The following TENM4 variants were observed in gnomAD, a reference collection of about 807,000 sequenced individuals.
The protein encoded by TENM4 is teneurin-4.
In TENM4, 82 loss-of-function variants were observed where a neutral mutation model predicts 243.3. The observed-to-expected ratio is 0.34, with a 90% CI of 0.28 to 0.40. The LOEUF (loss-of-function observed/expected upper bound fraction) is 0.40. TENM4 is among the 10% of genes least tolerant of loss of function. The pLI, the probability that TENM4 is intolerant of heterozygous loss-of-function variation, is 1.00. For missense variants in TENM4, 3,138 were observed against 3,673.3 expected, an observed-to-expected ratio of 0.85 and a Z score of 3.77; for synonymous variants, 1,412 against 1,456.3, an observed-to-expected ratio of 0.97 and a Z score of 0.69.
In TENM4 at chr11:78,863,226, A is replaced by G; in HGVS notation, c.1085-94T>C. On this transcript the variant is annotated intron_variant, in intron 9 of 33. Transcript: ENST00000278550. ...GGAAAGGTGGGCAGGGTGGGGGAACACAGGCATTCAGTTCAGTTCAACAAG... is the reference window on the plus strand; with the variant it reads ...GGAAAGGTGGGCAGGGTGGGGGAACGCAGGCATTCAGTTCAGTTCAACAAG... 15 of 1,348,054 alleles carry G rather than the reference A, an allele frequency of 1.1e-5. No individual in the cohort carries two copies. The South Asian group carries it at 2.3e-4, about 21-fold the overall frequency. 83.5% of individuals were successfully genotyped at this position (1,348,054 alleles called of 1,614,324 possible).
At chr11:78,754,173 T>C (rs1427229476) in intron 19 of TENM4, among the ~76,000 whole-genome samples, 1 of 152,230 alleles carries the variant, frequency 6.6e-6, no homozygotes, top group African/African-American at 2.4e-5. Flanking sequence ...ATGCACTCTA[T>C]TAAGCTGCTT....
At chr11:79,293,635 C>T (rs1164592739) in intron 2 of TENM4, among the ~76,000 whole-genome samples, 2 of 152,106 alleles carry the variant, frequency 1.3e-5, no homozygotes, top group East Asian at 1.9e-4. Context: ...TGAAGTGCAG[C>T]GACTAAGGGG....
intron 3 of TENM4, among the ~76,000 whole-genome samples, chr11:79,164,957 A>ATATGTGTGTGTGTGTG (rs1555020448): frequency 7.1e-6 from 1 of 139,862 alleles, no homozygotes; most frequent in African/African-American, 2.6e-5. Context: ...CTATATATAT[A>ATATGTGTGTGTGTGTG]TGTGTGTGTG....
intron 14 of TENM4, among the ~76,000 whole-genome samples, chr11:78,807,073 C>T (rs1041317400): frequency 6.6e-6 from 1 of 152,112 alleles, no homozygotes; most frequent in Non-Finnish European, 1.5e-5. Context: ...ATGTTCATAC[C>T]TCATTTTGTT....
intron 15 of TENM4, among the ~76,000 whole-genome samples, chr11:78,801,149 A>G (rs1857273426): frequency 6.6e-6 from 1 of 152,184 alleles, no homozygotes; most frequent in Non-Finnish European, 1.5e-5. Flanking sequence ...AGAGCTGAGG[A>G]CTTGGGAACA....
chr11:79,276,470 G>A (rs1300667917), intron 2 of TENM4, among the ~76,000 whole-genome samples: 1 of 152,222 alleles, frequency 6.6e-6, no homozygotes, highest in Non-Finnish European at 1.5e-5. Context: ...GAGAAAGAAA[G>A]TGTAGATGTT....
At chr11:78,915,111 G>A (rs944476187) in intron 6 of TENM4, among the ~76,000 whole-genome samples, 1 of 152,208 alleles carries the variant, frequency 6.6e-6, no homozygotes, top group African/African-American at 2.4e-5. Flanking sequence ...AAGGTGCCAA[G>A]GTTAACAGGT....
At chr11:78,806,452 CA>C (rs1219611599) in intron 14 of TENM4, among the ~76,000 whole-genome samples, 2 of 152,144 alleles carry the variant, frequency 1.3e-5, no homozygotes, top group African/African-American at 4.8e-5. Flanking sequence ...CTCCCAGGGC[CA>C]AGGGTCAAAG....
intron 30 of TENM4, among the ~76,000 whole-genome samples, 156 bp downstream of exon 30, chr11:78,675,996 A>G (rs1268574680): frequency 1.3e-5 from 2 of 152,242 alleles, no homozygotes; most frequent in Admixed American, 6.5e-5. Context: ...AAAAAGACAC[A>G]CAAGGGTCTC....
intron 6 of TENM4, among the ~76,000 whole-genome samples, chr11:78,937,526 T>C (rs1385139130): frequency 1.3e-5 from 2 of 152,194 alleles, no homozygotes; most frequent in South Asian, 4.1e-4. Context: ...TATTTGTCCA[T>C]GGAACCCCTA....
rs536518787 is a variant in TENM4 at position 79,324,054 on chromosome 11, A to G, written c.-320-26511T>C. Among the ~76,000 whole-genome samples the G allele has an allele frequency of 4.6e-5, 7 of 152,316 alleles. No individual in the cohort carries two copies. The South Asian group carries it at 1.4e-3, about 32-fold the overall frequency. ...GCTCAAGTCCGTTATATAAAATGGC[A>G]TAGTTTTTGCATATAACCTACACAC... On this transcript the variant is annotated intron_variant, in intron 1 of 33. Transcript: ENST00000278550.
intron 1 of TENM4, among the ~76,000 whole-genome samples, chr11:79,343,498 T>C (rs1457847175): frequency 6.6e-6 from 1 of 152,158 alleles, no homozygotes; most frequent in Non-Finnish European, 1.5e-5. Context: ...ACAGTGTTCT[T>C]GTGAGCATTA....
At chr11:79,113,701 G>T (rs1411933398) in intron 4 of TENM4, among the ~76,000 whole-genome samples, 1 of 152,186 alleles carries the variant, frequency 6.6e-6, no homozygotes, top group Non-Finnish European at 1.5e-5. Context: ...TGAGGTGTGT[G>T]TGGTGGACAT....
intron 22 of TENM4, among the ~76,000 whole-genome samples, chr11:78,729,069 G>A (rs1456103456): frequency 6.6e-6 from 1 of 152,034 alleles, no homozygotes; most frequent in Non-Finnish European, 1.5e-5. Context: ...CTGTGGGGTG[G>A]CCAGGCAATG....
intron 27 of TENM4, among the ~76,000 whole-genome samples, chr11:78,703,705 G>C (rs1859162366): frequency 6.6e-6 from 1 of 152,068 alleles, no homozygotes; most frequent in Admixed American, 6.6e-5. Context: ...TGGGCTGGAA[G>C]TGCCGACAGG....
intron 1 of TENM4, among the ~76,000 whole-genome samples, chr11:79,371,189 T>A (rs189608387): frequency 1.3e-5 from 2 of 152,332 alleles, no homozygotes; most frequent in African/African-American, 4.8e-5. Flanking sequence ...ACAGGTGGCT[T>A]CATGTCAGTG....
At chr11:78,773,125 A>G (rs963215336) in intron 17 of TENM4, among the ~76,000 whole-genome samples, 2 of 152,194 alleles carry the variant, frequency 1.3e-5, no homozygotes, top group African/African-American at 4.8e-5. Flanking sequence ...GTTTTCAATT[A>G]AGCCTGGTTT....
intron 19 of TENM4, among the ~76,000 whole-genome samples, chr11:78,754,948 C>A (rs1479488518): frequency 6.6e-6 from 1 of 152,208 alleles, no homozygotes; most frequent in East Asian, 1.9e-4. Flanking sequence ...CGACTCCTTG[C>A]AAGGATGGGC....
intron 1 of TENM4, among the ~76,000 whole-genome samples, chr11:79,321,640 C>CAAAAAAAAAAAAAAA (rs60886884): frequency 1.2e-5 from 1 of 82,216 alleles, no homozygotes; most frequent in Non-Finnish European, 2.3e-5. Flanking sequence ...AGGAAATTAC[C>CAAAAAAAAAAAAAAA]AAAAAAAAAA....
Sources: gnomAD v4.1 joint callset for allele counts (sites outside exome capture counted in the v4.1 genomes callset) on GRCh38, gnomAD v4.1.1 for gene constraint, MANE v1.5 for transcripts, NCBI Gene and HGNC (gene_info 2026-07-23, HGNC 2026-07-21) for gene names.